KATNIP: variants seen among roughly 807,000 people sequenced by gnomAD.
KATNIP encodes katanin-interacting protein.
Under a neutral mutation model 174.0 loss-of-function variants are expected in KATNIP, and 126 were observed. The observed-to-expected ratio is 0.72, with a 90% CI of 0.63 to 0.84. The LOEUF (loss-of-function observed/expected upper bound fraction) is 0.84. Among genes scored for constraint, KATNIP ranks in the 40% least tolerant of loss-of-function variants. The probability of loss-of-function intolerance (pLI) is 0.00; values close to 1 mark genes in which losing one functional copy is unlikely to be tolerated. For missense variants in KATNIP, 1,958 were observed against 2,109.7 expected (o/e 0.93, Z 1.41); for synonymous variants, 810 against 835.7 (o/e 0.97, Z 0.53).
At chr16:27,551,733 C>T (rs561206835) in intron 1 of KATNIP, among the ~76,000 whole-genome samples, 5 of 151,100 alleles carry the variant, frequency 3.3e-5, no homozygotes, top group African/African-American at 4.9e-5. Context: ...AAAACTTAGC[C>T]GGACGTGGTG....
intron 23 of KATNIP, 64 bp downstream of exon 23, chr16:27,773,273 CG>C: frequency 8.8e-7 from 1 of 1,141,082 alleles, no homozygotes; most frequent in South Asian, 1.3e-5. Flanking sequence ...GGGTCGGGAA[CG>C]GGGCAGAAGC....
intron 24 of KATNIP, among the ~76,000 whole-genome samples, chr16:27,775,305 C>T (rs981143234): frequency 9.9e-5 from 15 of 152,176 alleles, no homozygotes; most frequent in Admixed American, 2.0e-4. Context: ...ACACCTGGGG[C>T]GAAAGGGGTC....
chr16:27,698,867 C>T (rs1384846587), intron 9 of KATNIP, among the ~76,000 whole-genome samples: 1 of 152,200 alleles, frequency 6.6e-6, no homozygotes, highest in Non-Finnish European at 1.5e-5. Context: ...CATTCCCGAG[C>T]GTGGGCCCTT....
At chr16:27,712,324 G>A (rs929443534) in intron 13 of KATNIP, among the ~76,000 whole-genome samples, 3 of 152,070 alleles carry the variant, frequency 2.0e-5, no homozygotes, top group Non-Finnish European at 2.9e-5. Context: ...TCCCAGGCCC[G>A]GGGCTACCGG....
intron 2 of KATNIP, among the ~76,000 whole-genome samples, chr16:27,593,254 T>C (rs1290426475): frequency 1.7e-5 from 2 of 114,296 alleles, no homozygotes; most frequent in Non-Finnish European, 3.3e-5. Flanking sequence ...TTTTTTTTTT[T>C]GTCTGAGACG....
intron 18 of KATNIP, chr16:27,755,353 C>T (rs980410884): frequency 6.6e-6 from 1 of 152,304 alleles, no homozygotes; most frequent in African/African-American, 2.4e-5. Context: ...CTGACGACCA[C>T]CTGTCGCTGG....
rs561119642 is a variant in KATNIP, at chr16:27,628,891, G to A, written c.310+61G>A. 241 of 1,549,520 alleles carry A rather than the reference G, an allele frequency of 1.6e-4. 1 individual carries two copies. Among genetic ancestry groups the A allele is most frequent in the Admixed American group, 1.7e-4 (10 of 59,290 alleles). On this transcript the variant is annotated intron_variant, in intron 4 of 27. Transcript: ENST00000261588. ...GTTAATCAAAATTAATTAGGGGCAG[G>A]GTGCAGTGGCTCACACCTGTAATCA...
At chr16:27,694,538 G>A (rs909689104) in intron 8 of KATNIP, among the ~76,000 whole-genome samples, 1 of 152,160 alleles carries the variant, frequency 6.6e-6, no homozygotes. Context: ...GCTCATGCCT[G>A]TAATCCCAGC....
At chr16:27,623,516 T>C (rs148107301) in intron 3 of KATNIP, among the ~76,000 whole-genome samples, 4,178 of 152,184 alleles carry the variant, frequency 0.027, 86 homozygotes, top group Middle Eastern at 0.078. Context: ...TTGGAGTGCA[T>C]TGGTGTGATC....
intron 14 of KATNIP, among the ~76,000 whole-genome samples, chr16:27,723,775 T>C (rs2080332848): frequency 6.6e-6 from 1 of 152,092 alleles, no homozygotes; most frequent in Admixed American, 6.6e-5. Flanking sequence ...GGGAACCTAG[T>C]CCCAGAGAGG....
chr16:27,667,042 C>G (rs1410358473), intron 6 of KATNIP, among the ~76,000 whole-genome samples: 2 of 152,048 alleles, frequency 1.3e-5, no homozygotes, highest in Non-Finnish European at 2.9e-5. Flanking sequence ...TATTTGTTGC[C>G]ATGTGTGGTG....
At chr16:27,742,359 G>T (rs1372624327) in intron 15 of KATNIP, among the ~76,000 whole-genome samples, 1 of 152,190 alleles carries the variant, frequency 6.6e-6, no homozygotes, top group African/African-American at 2.4e-5. Flanking sequence ...TGAGATGATG[G>T]CTTCCAAATA....
At chr16:27,628,621 T>C in intron 3 of KATNIP, 40 bp from the exon 4 acceptor site, 1 of 1,606,078 alleles carries the variant, frequency 6.2e-7, no homozygotes, top group South Asian at 1.1e-5. Flanking sequence ...GCCCAGACTC[T>C]CAAATGATGA....
Position 27,710,616 on chromosome 16 carries a change from C to T in KATNIP, c.1605+1696C>T, listed in dbSNP as rs775236783. Among the ~76,000 whole-genome samples the T allele has an allele frequency of 5.3e-5, 8 of 152,232 alleles. No homozygotes were observed. In the South Asian group the frequency reaches 1.2e-3, roughly 24 times the overall value. The stretch of plus-strand genomic sequence containing the variant: ...TCCTGGGCTCAAGCTGTCCTCCTGC[C>T]TCAGCCTCCTAAATAGTTGGGACTA... On this transcript the variant is annotated intron_variant, in intron 13 of 27. Coordinates refer to ENST00000261588, the MANE Select transcript of KATNIP (RefSeq NM_015202.5).
At chr16:27,757,244 G>A (rs551563256) in intron 18 of KATNIP, among the ~76,000 whole-genome samples, 9 of 152,174 alleles carry the variant, frequency 5.9e-5, no homozygotes, top group Non-Finnish European at 1.2e-4. Flanking sequence ...CACCGTGCCC[G>A]GCTAATTCAT....
At chr16:27,735,201 C>G (rs2080852092) in intron 14 of KATNIP, among the ~76,000 whole-genome samples, 1 of 152,176 alleles carries the variant, frequency 6.6e-6, no homozygotes, top group African/African-American at 2.4e-5. Flanking sequence ...GCCCACTCCT[C>G]TCTTACAAGC....
At chr16:27,690,364 G>GATAGATAGATAGATA (rs2078685175) in intron 8 of KATNIP, among the ~76,000 whole-genome samples, 2 of 44,210 alleles carry the variant, frequency 4.5e-5, no homozygotes, top group African/African-American at 1.6e-4. Context: ...ATAGATAGAT[G>GATAGATAGATAGATA]ATAGATAGAT....
intron 14 of KATNIP, 69 bp downstream of exon 14, chr16:27,721,764 CCTGATTCCTAA>C (rs2080253555): frequency 6.4e-7 from 1 of 1,556,012 alleles, no homozygotes; most frequent in Admixed American, 1.8e-5. Context: ...TTGCCAATAG[CCTGATTCCTAA>C]AGTTGCAAAA....
chr16:27,677,426 A>C (rs2078159782), intron 6 of KATNIP, among the ~76,000 whole-genome samples: 1 of 151,814 alleles, frequency 6.6e-6, no homozygotes, highest in Non-Finnish European at 1.5e-5. Flanking sequence ...AACAAACCAT[A>C]TTGTCTGTTT....
Sources: allele counts gnomAD v4.1 joint callset (sites outside exome capture counted in the v4.1 genomes callset), GRCh38; gene constraint gnomAD v4.1.1; transcripts MANE v1.5; gene names NCBI Gene and HGNC (gene_info 2026-07-23, HGNC 2026-07-21).